GRM5: variants seen among roughly 807,000 people sequenced by gnomAD.
GRM5 encodes the protein glutamate metabotropic receptor 5.
A neutral mutation model predicts 83.1 loss-of-function variants in GRM5; 19 were observed. The observed-to-expected ratio is 0.23, with a 90% CI of 0.16 to 0.34. GRM5 has a LOEUF of 0.34. Among genes scored for constraint, GRM5 ranks in the 10% least tolerant of loss-of-function variants. The pLI is 1.00. For synonymous variants in GRM5, 675 were observed against 633.6 expected (o/e 1.07, Z -0.98); for missense variants, 1,160 against 1,588.3 (o/e 0.73, Z 4.58).
At chr11:89,042,992 A>G (rs1941566486) in intron 2 of GRM5, among the ~76,000 whole-genome samples, 1 of 152,228 alleles carries the variant, frequency 6.6e-6, no homozygotes, top group Non-Finnish European at 1.5e-5. Context: ...GACAGAAATA[A>G]TAAATTCAAG....
intron 3 of GRM5, among the ~76,000 whole-genome samples, chr11:88,702,827 A>G (rs1474618381): frequency 6.6e-6 from 1 of 152,144 alleles, no homozygotes; most frequent in Non-Finnish European, 1.5e-5. Flanking sequence ...ACAGAGGGAC[A>G]GCCACATGAG....
chr11:88,798,095 T>C (rs1943317252), intron 3 of GRM5, among the ~76,000 whole-genome samples: 1 of 152,138 alleles, frequency 6.6e-6, no homozygotes, highest in South Asian at 2.1e-4. Flanking sequence ...AATAGCAAAC[T>C]CCTCTTTTTT....
chr11:88,966,652 C>A (rs796306217), intron 2 of GRM5, among the ~76,000 whole-genome samples: 4 of 152,190 alleles, frequency 2.6e-5, no homozygotes, highest in African/African-American at 9.6e-5. Flanking sequence ...TTATAGGCCA[C>A]TGGATCATGA....
chr11:88,510,377 A>G (rs1204023572), intron 9 of GRM5, among the ~76,000 whole-genome samples: 1 of 152,172 alleles, frequency 6.6e-6, no homozygotes, highest in Non-Finnish European at 1.5e-5. Flanking sequence ...CACTCTCAAG[A>G]TGTGATTGGT....
At position 88,664,850 on chromosome 11, in the gene GRM5, A is replaced by G. The variant is rs887391111; in HGVS notation, c.912-11447T>C. On this transcript the variant is annotated intron_variant, in intron 3 of 9. Coordinates refer to ENST00000305447, the MANE Select transcript of GRM5 (RefSeq NM_001143831.3). ...ATATGATAATGATTTGAGCTATTAT[A>G]AAAGTGACTTGAGCAACCACGAATT... is the stretch of plus-strand genomic sequence containing the variant. 9.2e-5 allele frequency among the ~76,000 whole-genome samples: 14 copies of G among 152,320 alleles called. 1 individual carries two copies. The Middle Eastern group carries it at 0.01, about 112-fold the overall frequency.
intron 2 of GRM5, among the ~76,000 whole-genome samples, chr11:89,033,112 G>C (rs193018772): frequency 3.3e-5 from 5 of 152,078 alleles, no homozygotes; most frequent in Admixed American, 3.3e-4. Context: ...TTATCAGGCA[G>C]TCTTACACTT....
chr11:88,726,405 G>T (rs1004197756), intron 3 of GRM5, among the ~76,000 whole-genome samples: 14 of 152,130 alleles, frequency 9.2e-5, no homozygotes, highest in African/African-American at 3.4e-4. Context: ...GACCAAACCT[G>T]TGTTTGATTG....
In GRM5 at chr11:88,508,193, A is replaced by G. The variant is rs1941230939; in HGVS notation, c.*399T>C. On this transcript the variant is annotated 3_prime_UTR_variant, in exon 10 of 10. Coordinates refer to ENST00000305447, the MANE Select transcript of GRM5 (RefSeq NM_001143831.3). The surrounding 1 kb of genome is among the most constrained non-coding windows in gnomAD (Gnocchi z 4.2). ...TTGGTGAATCAAAGACTCTTCTGGGAAAAGAATTAAAGTAAACAAATAAAA... is the reference window on the plus strand; with the variant it reads ...TTGGTGAATCAAAGACTCTTCTGGGGAAAGAATTAAAGTAAACAAATAAAA... 1 of 155,534 alleles carries G rather than the reference A, an allele frequency of 6.4e-6. No homozygotes were observed. Among genetic ancestry groups the G allele is most frequent in the South Asian group, 2.1e-4 (1 of 4,856 alleles). The allele number at this position is 155,534 out of a possible 1,614,324, so 9.6% of individuals were successfully genotyped here. A position where few individuals can be genotyped will look rare whatever the true frequency, so the allele number is the denominator to read the frequency against.
chr11:88,510,844 T>C (rs1941349068), intron 9 of GRM5, among the ~76,000 whole-genome samples: 1 of 152,200 alleles, frequency 6.6e-6, no homozygotes, highest in East Asian at 1.9e-4. Context: ...GATTCTGGTG[T>C]AGTTTCCCAT....
rs554316176 is a variant in GRM5, at chr11:88,823,586, A to G, written c.911+26320T>C. ...GGGACCTGTCTATTGTAGATTTTACATCAGGAAGTACTACTGACTAGGATG... is the reference window on the plus strand; with the variant it reads ...GGGACCTGTCTATTGTAGATTTTACGTCAGGAAGTACTACTGACTAGGATG... On this transcript the variant is annotated intron_variant, in intron 3 of 9. Coordinates refer to ENST00000305447, the MANE Select transcript of GRM5 (RefSeq NM_001143831.3). 3.3e-5 allele frequency among the ~76,000 whole-genome samples: 5 copies of G among 151,488 alleles called. No individual in the cohort carries two copies. In the South Asian group the frequency reaches 8.3e-4, roughly 25 times the overall value.
At chr11:88,988,505 G>C (rs905734488) in intron 2 of GRM5, among the ~76,000 whole-genome samples, 5 of 152,092 alleles carry the variant, frequency 3.3e-5, no homozygotes, top group East Asian at 1.9e-4. Flanking sequence ...AGGAAATACA[G>C]AGAACGCCAC....
chr11:88,762,415 C>A (rs987379300), intron 3 of GRM5, among the ~76,000 whole-genome samples: 16 of 151,886 alleles, frequency 1.1e-4, no homozygotes, highest in Non-Finnish European at 2.2e-4. Flanking sequence ...TTGCAGCCAA[C>A]AAGCATAAGA....
intron 4 of GRM5, among the ~76,000 whole-genome samples, chr11:88,624,338 G>C (rs1938726831): frequency 6.6e-6 from 1 of 152,148 alleles, no homozygotes; most frequent in African/African-American, 2.4e-5. Context: ...TCTGTGTAGA[G>C]AAAGAATCAC....
intron 2 of GRM5, among the ~76,000 whole-genome samples, chr11:88,946,954 T>G (rs1036278380): frequency 2.6e-5 from 4 of 152,114 alleles, no homozygotes; most frequent in Non-Finnish European, 4.4e-5. Context: ...CTTTAATCAA[T>G]GAGAATGTTT....
intron 3 of GRM5, among the ~76,000 whole-genome samples, chr11:88,680,722 A>G (rs1208935899): frequency 1.3e-5 from 2 of 152,194 alleles, no homozygotes; most frequent in African/African-American, 4.8e-5. Flanking sequence ...AAGACTTGGA[A>G]CCAACATCAA....
chr11:88,989,881 T>C (rs140249619), intron 2 of GRM5, among the ~76,000 whole-genome samples: 48 of 152,038 alleles, frequency 3.2e-4, no homozygotes, highest in Non-Finnish European at 5.4e-4. Flanking sequence ...GGGAAATTTA[T>C]AGCACTAAAT....
chr11:88,711,094 C>T (rs1353066527), intron 3 of GRM5, among the ~76,000 whole-genome samples: 1 of 151,960 alleles, frequency 6.6e-6, no homozygotes, highest in Non-Finnish European at 1.5e-5. Flanking sequence ...ACCATTGGGG[C>T]CTACTTACCA....
At chr11:88,892,008 C>G (rs1395906279) in intron 2 of GRM5, among the ~76,000 whole-genome samples, 3 of 152,018 alleles carry the variant, frequency 2.0e-5, no homozygotes, top group African/African-American at 7.2e-5. Context: ...TATGTGCAGC[C>G]TTTAATAATT....
intron 3 of GRM5, among the ~76,000 whole-genome samples, chr11:88,834,928 A>G (rs1425784804): frequency 6.6e-6 from 1 of 152,128 alleles, no homozygotes; most frequent in East Asian, 1.9e-4. Flanking sequence ...CCTTTTACTT[A>G]GGCTGACTGA....
Sources: allele counts gnomAD v4.1 joint callset (sites outside exome capture counted in the v4.1 genomes callset), GRCh38; gene constraint gnomAD v4.1.1; non-coding constraint Gnocchi (gnomAD v3.1); transcripts MANE v1.5; gene names NCBI Gene and HGNC (gene_info 2026-07-23, HGNC 2026-07-21).